MMP26: variants seen among roughly 807,000 people sequenced by gnomAD.
MMP26 encodes matrix metallopeptidase 26, also known as matrix metalloproteinase-26.
In MMP26, 33 loss-of-function variants were observed where a neutral mutation model predicts 31.0. The ratio of observed to expected loss-of-function variants is 1.06; its 90% CI spans 0.81 to 1.42. The LOEUF (loss-of-function observed/expected upper bound fraction) is 1.42. Among genes scored for constraint, MMP26 ranks in the 40% most tolerant of loss-of-function variants. MMP26 has a pLI of 0.00. For missense variants in MMP26, 347 were observed against 316.1 expected (o/e 1.10, Z -0.74); for synonymous variants, 122 against 114.9 (o/e 1.06, Z -0.40).
At chr11:4,822,474 A>G in intron 2 of MMP26, 1 of 1,159,978 alleles carries the variant, frequency 8.6e-7, no homozygotes. Flanking sequence ...CAACAGTCCA[A>G]ACTAAGCAAT....
intron 2 of MMP26, among the ~76,000 whole-genome samples, chr11:4,926,744 G>C (rs921005142): frequency 1.3e-5 from 2 of 152,060 alleles, no homozygotes; most frequent in South Asian, 2.1e-4. Flanking sequence ...ATGGGTAAGA[G>C]GCAAGTGTAT....
At chr11:4,842,387 T>C (rs972406521) in intron 2 of MMP26, among the ~76,000 whole-genome samples, 3 of 152,204 alleles carry the variant, frequency 2.0e-5, no homozygotes, top group African/African-American at 7.2e-5. Context: ...GAGGTTTCAT[T>C]GTCTCACAGT....
intron 2 of MMP26, chr11:4,955,515 T>A: frequency 7.6e-7 from 1 of 1,318,312 alleles, no homozygotes; most frequent in South Asian, 1.2e-5. Context: ...ATAGCCAACA[T>A]GGAAAGAAAA....
At chr11:4,946,434 G>A (rs756625215) in intron 2 of MMP26, 2 of 1,610,100 alleles carry the variant, frequency 1.2e-6, no homozygotes, top group African/African-American at 2.7e-5. Flanking sequence ...ACAGTCTTGA[G>A]GATCAGGGTG....
At chr11:4,971,861 A>G (rs1846670809) in intron 2 of MMP26, among the ~76,000 whole-genome samples, 2 of 152,150 alleles carry the variant, frequency 1.3e-5, no homozygotes, top group Non-Finnish European at 2.9e-5. Flanking sequence ...AAAACGAAAG[A>G]GGAAGAAGTA....
rs554708295 is a variant in MMP26, at chr11:4,856,138, C to T, written c.-145+88797C>T. 1.1e-3 allele frequency among the ~76,000 whole-genome samples: 163 copies of T among 152,164 alleles called. 1 individual carries two copies. In the East Asian group the frequency reaches 0.014, roughly 13 times the overall value. ...AAACATGCCAAATTGTAAAGACCAT[C>T]GATGCTAGGAAGAAACTGCATCAAC... On this transcript the variant is annotated intron_variant, in intron 2 of 7. Transcript: ENST00000380390.
chr11:4,892,746 T>C (rs1850644556), intron 2 of MMP26, among the ~76,000 whole-genome samples: 1 of 152,214 alleles, frequency 6.6e-6, no homozygotes, highest in African/African-American at 2.4e-5. Flanking sequence ...TTTGAGGATA[T>C]AAGAGTCTTG....
At chr11:4,942,264 T>C (rs895201029) in intron 2 of MMP26, among the ~76,000 whole-genome samples, 1 of 151,984 alleles carries the variant, frequency 6.6e-6, no homozygotes, top group African/African-American at 2.4e-5. Flanking sequence ...TCTTTTTCAA[T>C]TATACTACAT....
chr11:4,982,953 C>T (rs1002571441), intron 2 of MMP26, among the ~76,000 whole-genome samples: 12 of 152,280 alleles, frequency 7.9e-5, no homozygotes, highest in African/African-American at 2.9e-4. Flanking sequence ...GATCTCACTC[C>T]AATTAGCCAC....
chr11:4,838,023 A>G (rs1849741904), intron 2 of MMP26, among the ~76,000 whole-genome samples: 1 of 152,056 alleles, frequency 6.6e-6, no homozygotes, highest in Non-Finnish European at 1.5e-5. Context: ...ATAGTATAGA[A>G]GTATGATTTG....
Position 4,849,105 on chromosome 11 carries a change from C to T in MMP26, c.-145+81764C>T, listed in dbSNP as rs1357329117. The T allele has an allele frequency of 7.4e-6, 12 of 1,614,098 alleles. 1 individual carries two copies. Among genetic ancestry groups the T allele is most frequent in the East Asian group, 2.2e-5 (1 of 44,864 alleles). On this transcript the variant is annotated intron_variant, in intron 2 of 7. Transcript: ENST00000380390. ...GTAGACAGCAATGAGGGGCAATGTCCACCAGGAGGGTGCACCTGATAGGCC... is the reference window on the plus strand; with the variant it reads ...GTAGACAGCAATGAGGGGCAATGTCTACCAGGAGGGTGCACCTGATAGGCC...
At chr11:4,908,070 T>C in intron 2 of MMP26, 1 of 1,614,172 alleles carries the variant, frequency 6.2e-7, no homozygotes, top group Non-Finnish European at 8.5e-7. Context: ...GCAGAGAGGC[T>C]TAAGGCCCTA....
intron 1 of MMP26, among the ~76,000 whole-genome samples, chr11:4,724,697 T>A (rs1196449841): frequency 6.6e-6 from 1 of 152,224 alleles, no homozygotes; most frequent in Non-Finnish European, 1.5e-5. Context: ...TTTGTATAAA[T>A]GAATCCAATA....
chr11:4,871,133 A>G (rs1850305209), intron 2 of MMP26, among the ~76,000 whole-genome samples: 1 of 152,190 alleles, frequency 6.6e-6, no homozygotes, highest in Non-Finnish European at 1.5e-5. Context: ...AATCCTGAAG[A>G]ACAAACAGGA....
At chr11:4,961,291 G>T (rs1485148523) in intron 2 of MMP26, among the ~76,000 whole-genome samples, 1 of 152,174 alleles carries the variant, frequency 6.6e-6, no homozygotes, top group South Asian at 2.1e-4. Flanking sequence ...AGAAAAGTCT[G>T]TCCTAGCTTT....
chr11:4,795,813 G>T (rs932262795), intron 2 of MMP26, among the ~76,000 whole-genome samples: 1 of 150,944 alleles, frequency 6.6e-6, no homozygotes, highest in Admixed American at 6.6e-5. Flanking sequence ...AGAGGACGAA[G>T]GGGACAGGGA....
chr11:4,709,628 T>A, intron 1 of MMP26: 1 of 457,138 alleles, frequency 2.2e-6, no homozygotes, highest in Non-Finnish European at 4.4e-6. Flanking sequence ...CTGGCATCCC[T>A]GGCCTTGAAA....
At chr11:4,974,267 G>A (rs1346243215) in intron 2 of MMP26, among the ~76,000 whole-genome samples, 2 of 150,858 alleles carry the variant, frequency 1.3e-5, no homozygotes, top group African/African-American at 4.9e-5. Context: ...TTATAAATTT[G>A]TTTAAAATTT....
At chr11:4,726,079 T>A (rs1848094833) in intron 1 of MMP26, among the ~76,000 whole-genome samples, 1 of 152,230 alleles carries the variant, frequency 6.6e-6, no homozygotes, top group South Asian at 2.1e-4. Context: ...ACCAGTAGTT[T>A]GTTGGGAGAC....
Sources: allele counts gnomAD v4.1 joint callset (sites outside exome capture counted in the v4.1 genomes callset), GRCh38; gene constraint gnomAD v4.1.1; transcripts MANE v1.5; gene names NCBI Gene and HGNC (gene_info 2026-07-23, HGNC 2026-07-21).